ARHGAP32: variants seen among roughly 807,000 people sequenced by gnomAD.
ARHGAP32 encodes Rho GTPase activating protein 32.
Under a neutral mutation model 186.5 loss-of-function variants are expected in ARHGAP32, and 51 were observed. The observed-to-expected ratio is 0.27, with a 90% CI of 0.22 to 0.35. The LOEUF is 0.35. ARHGAP32 is among the 10% of genes least tolerant of loss of function. The pLI, the probability that ARHGAP32 is intolerant of heterozygous loss-of-function variation, is 1.00. For synonymous variants in ARHGAP32, 950 were observed against 964.3 expected (o/e 0.99, Z 0.27); for missense variants, 2,186 against 2,623.5 (o/e 0.83, Z 3.64).
intron 10 of ARHGAP32, among the ~76,000 whole-genome samples, chr11:129,055,933 T>C (rs1436010201): frequency 6.6e-6 from 1 of 152,232 alleles, no homozygotes; most frequent in Non-Finnish European, 1.5e-5. Flanking sequence ...AATAATAGTA[T>C]ATCAATATTG....
intron 2 of ARHGAP32, among the ~76,000 whole-genome samples, chr11:129,131,483 G>A (rs543295101): frequency 6.6e-6 from 1 of 152,172 alleles, no homozygotes; most frequent in Non-Finnish European, 1.5e-5. Context: ...GTTAACCACA[G>A]ATATCAAAAC....
intron 1 of ARHGAP32, among the ~76,000 whole-genome samples, chr11:129,206,778 A>C (rs1175242139): frequency 6.6e-6 from 1 of 150,974 alleles, no homozygotes; most frequent in Non-Finnish European, 1.5e-5. Context: ...AATATACTTT[A>C]AGTTCTGGGG....
chr11:128,975,846 C>T (rs925587549), intron 20 of ARHGAP32, among the ~76,000 whole-genome samples: 1 of 152,000 alleles, frequency 6.6e-6, no homozygotes, highest in African/African-American at 2.4e-5. Flanking sequence ...GTCAGGAGTT[C>T]GAGACTAGCC....
intron 6 of ARHGAP32, among the ~76,000 whole-genome samples, chr11:129,092,697 T>C (rs1044378928): frequency 1.3e-5 from 2 of 152,010 alleles, no homozygotes; most frequent in Non-Finnish European, 2.9e-5. Flanking sequence ...TTCCTTAAGG[T>C]GACCACAACT....
chr11:129,020,267 G>C (rs950196930), intron 11 of ARHGAP32, among the ~76,000 whole-genome samples: 2 of 151,960 alleles, frequency 1.3e-5, no homozygotes, highest in East Asian at 1.9e-4. Flanking sequence ...ACTGTTAAAG[G>C]TTATTAAGCA....
At chr11:129,091,292 T>C (rs1279963558) in intron 6 of ARHGAP32, among the ~76,000 whole-genome samples, 2 of 152,136 alleles carry the variant, frequency 1.3e-5, no homozygotes, top group African/African-American at 2.4e-5. Context: ...CAGTCCCCAG[T>C]TGGCCTGGGT....
Position 129,249,837 on chromosome 11 carries a change from G to A in ARHGAP32, c.-5+29309C>T, listed in dbSNP as rs1365776258. On this transcript the variant is annotated intron_variant, in intron 1 of 6. Coordinates refer to the ARHGAP32 transcript ENST00000525234. The stretch of plus-strand genomic sequence containing the variant: ...AGCAATACTAGAAACAGCAATGCTG[G>A]TACTCTGAAATCCAGTAAATCCAGA... 3.9e-5 allele frequency among the ~76,000 whole-genome samples: 6 copies of A among 152,060 alleles called. No homozygotes were observed. The South Asian group carries it at 1.0e-3, about 26-fold the overall frequency.
At chr11:129,192,571 T>C (rs917555946), upstream of ARHGAP32, among the ~76,000 whole-genome samples, 1 of 152,218 alleles carries the variant, frequency 6.6e-6, no homozygotes, top group Non-Finnish European at 1.5e-5. Context: ...ATTTGTATCC[T>C]TTTTTGATCT....
At chr11:129,122,750 G>C (rs1192578892) in intron 5 of ARHGAP32, among the ~76,000 whole-genome samples, 1 of 152,012 alleles carries the variant, frequency 6.6e-6, no homozygotes, top group Non-Finnish European at 1.5e-5. Flanking sequence ...ACAGTGGTTA[G>C]GGCAAGGACA....
At chr11:129,000,319 G>A (rs1486256126) in intron 11 of ARHGAP32, among the ~76,000 whole-genome samples, 1 of 152,186 alleles carries the variant, frequency 6.6e-6, no homozygotes, top group Non-Finnish European at 1.5e-5. Context: ...GACTTTTGCT[G>A]AGAAGTGCAG....
chr11:129,195,899 C>T (rs1277260127), upstream of ARHGAP32, among the ~76,000 whole-genome samples: 2 of 152,164 alleles, frequency 1.3e-5, no homozygotes, highest in African/African-American at 4.8e-5. Context: ...CTAGATACTG[C>T]TGAAGACCAC....
At chr11:129,106,198 T>C (rs1053129736) in intron 5 of ARHGAP32, among the ~76,000 whole-genome samples, 1 of 152,140 alleles carries the variant, frequency 6.6e-6, no homozygotes, top group African/African-American at 2.4e-5. Context: ...AAACAAATTG[T>C]TCTACCAAAA....
chr11:129,054,065 T>TAA (rs35753511), intron 10 of ARHGAP32, among the ~76,000 whole-genome samples: 8 of 147,220 alleles, frequency 5.4e-5, no homozygotes, highest in African/African-American at 7.4e-5. Flanking sequence ...ACTCTTGAGG[T>TAA]AAAAAAAAAA....
intron 2 of ARHGAP32, among the ~76,000 whole-genome samples, chr11:129,144,465 A>T (rs1015723571): frequency 6.6e-6 from 1 of 152,156 alleles, no homozygotes; most frequent in African/African-American, 2.4e-5. Context: ...AAGAAAACTC[A>T]AGAGCTCTGA....
Position 129,081,444 on chromosome 11 carries a change from G to A in ARHGAP32, c.531+12177C>T, listed in dbSNP as rs934265364. Reference sequence around the variant, plus strand: ...AAGTGGGTTTCATACCAGGAATGCAGGGGTGGTTTAACATAACCAAGTCAA... The same window carrying A: ...AAGTGGGTTTCATACCAGGAATGCAAGGGTGGTTTAACATAACCAAGTCAA... On this transcript the variant is annotated intron_variant, in intron 6 of 22. Coordinates refer to ENST00000682385, the MANE Select transcript of ARHGAP32 (RefSeq NM_001378024.1). Among the ~76,000 whole-genome samples, 3 of 152,138 alleles carry A rather than the reference G, an allele frequency of 2.0e-5. No homozygotes were observed. The South Asian group carries it at 6.2e-4, about 32-fold the overall frequency.
At chr11:129,086,614 G>A (rs909666117) in intron 6 of ARHGAP32, among the ~76,000 whole-genome samples, 1 of 152,130 alleles carries the variant, frequency 6.6e-6, no homozygotes, top group Admixed American at 6.5e-5. Context: ...AAGGTCAGGA[G>A]ATCGAGACCA....
intron 22 of ARHGAP32, chr11:128,971,441 A>C (rs1945371275): frequency 5.5e-6 from 2 of 364,608 alleles, no homozygotes; most frequent in Non-Finnish European, 9.9e-6. Context: ...TTTAATATAC[A>C]AACCAAAAGA....
chr11:129,160,153 A>C (rs144915055), intron 2 of ARHGAP32, among the ~76,000 whole-genome samples: 1 of 152,254 alleles, frequency 6.6e-6, no homozygotes, highest in Non-Finnish European at 1.5e-5. Context: ...TCATACTGAA[A>C]GGGCAAAAGC....
At chr11:129,039,279 T>C (rs1390851205) in intron 11 of ARHGAP32, among the ~76,000 whole-genome samples, 1 of 152,146 alleles carries the variant, frequency 6.6e-6, no homozygotes, top group Non-Finnish European at 1.5e-5. Flanking sequence ...ACATGTAATA[T>C]TGTACATGAA....
Sources: gnomAD v4.1 joint callset for allele counts (sites outside exome capture counted in the v4.1 genomes callset) on GRCh38, gnomAD v4.1.1 for gene constraint, MANE v1.5 for transcripts, NCBI Gene and HGNC (gene_info 2026-07-23, HGNC 2026-07-21) for gene names.